Variants in LRRTM3 observed in about 807,000 individuals in gnomAD.
LRRTM3 encodes leucine rich repeat transmembrane neuronal 3.
Under a neutral mutation model 44.7 loss-of-function variants are expected in LRRTM3, and 24 were observed. The ratio of observed to expected loss-of-function variants is 0.54; its 90% CI spans 0.39 to 0.76. The LOEUF (loss-of-function observed/expected upper bound fraction) is 0.76. Ranked by LOEUF, LRRTM3 falls within the 30% of genes least tolerant of loss-of-function variation. The pLI is 0.00. For missense variants in LRRTM3, 587 were observed against 702.2 expected (o/e 0.84, Z 1.85); for synonymous variants, 277 against 278.7 (o/e 0.99, Z 0.06).
chr10:67,059,919 A>G (rs1042987384), intron 2 of LRRTM3, among the ~76,000 whole-genome samples: 3 of 152,212 alleles, frequency 2.0e-5, no homozygotes, highest in Non-Finnish European at 4.4e-5. Flanking sequence ...ACACCAAAAA[A>G]TAGAAGACAC....
At chr10:67,005,975 C>T (rs1048229997) in intron 2 of LRRTM3, among the ~76,000 whole-genome samples, 5 of 151,870 alleles carry the variant, frequency 3.3e-5, no homozygotes, top group African/African-American at 7.3e-5. Context: ...CGTGAGCCAT[C>T]GCACCCAACC....
intron 2 of LRRTM3, among the ~76,000 whole-genome samples, chr10:66,989,828 A>G (rs1373408676): frequency 1.3e-5 from 2 of 152,150 alleles, no homozygotes; most frequent in Non-Finnish European, 2.9e-5. Context: ...GAGTGCTTTT[A>G]TTATCCACTA....
chr10:66,926,292 C>A lies in LRRTM3; in HGVS notation c.-292C>A, dbSNP rs1847069327. The A allele has an allele frequency of 1.1e-5, 6 of 524,696 alleles. No individual in the cohort carries two copies. 32.5% of individuals were successfully genotyped at this position (524,696 alleles called of 1,614,324 possible). ...TTTTTAACCGCCCCCTCCCCACCCC[C>A]CAAAAAACTGTAAAGATGCAAAAAC... On this transcript the variant is annotated 5_prime_UTR_variant, in exon 1 of 3. Transcript: ENST00000361320.
At chr10:67,083,620 T>C (rs190720276) in intron 2 of LRRTM3, among the ~76,000 whole-genome samples, 298 of 152,358 alleles carry the variant, frequency 2.0e-3, no homozygotes, top group Non-Finnish European at 3.3e-3. Flanking sequence ...TAGACAGTGA[T>C]AGCAGTTTCA....
At chr10:67,001,994 C>G (rs1358444587) in intron 2 of LRRTM3, among the ~76,000 whole-genome samples, 1 of 152,096 alleles carries the variant, frequency 6.6e-6, no homozygotes, top group African/African-American at 2.4e-5. Context: ...GGGTATGAGT[C>G]TTAGAGTCCG....
At chr10:66,931,657 G>T (rs1051624047) in intron 2 of LRRTM3, among the ~76,000 whole-genome samples, 4 of 151,938 alleles carry the variant, frequency 2.6e-5, no homozygotes, top group African/African-American at 9.7e-5. Context: ...TAGTAAATCA[G>T]ATTTGAATTT....
At chr10:67,002,733 T>A (rs1851758029) in intron 2 of LRRTM3, among the ~76,000 whole-genome samples, 1 of 150,768 alleles carries the variant, frequency 6.6e-6, no homozygotes, top group Non-Finnish European at 1.5e-5. Flanking sequence ...CAAGCAGAAT[T>A]TTTTTTTTAA....
chr10:67,025,158 AAGG>A lies in LRRTM3; in HGVS notation c.1537-72427_1537-72425del, dbSNP rs1387497303. 5.8e-3 allele frequency among the ~76,000 whole-genome samples: 872 copies of A among 149,858 alleles called. 14 individuals carry two copies. Among genetic ancestry groups the A allele is most frequent in the African/African-American group, 0.021 (841 of 40,260 alleles). On this transcript the variant is annotated intron_variant, in intron 2 of 2. Transcript: ENST00000361320. ...AACAAAAAAAAAAAAGAAAGAAAGGAAGGAAGGAAGGAAGGAAAGAAAGAAAAG... is the reference window on the plus strand; with the variant it reads ...AACAAAAAAAAAAAAGAAAGAAAGGAAAGGAAGGAAGGAAAGAAAGAAAAG...
chr10:67,037,374 A>AAAAAAAG (rs1854125360), intron 2 of LRRTM3, among the ~76,000 whole-genome samples: 1 of 132,674 alleles, frequency 7.5e-6, no homozygotes, highest in East Asian at 2.0e-4. Context: ...AATCTAAAAA[A>AAAAAAAG]AAAAAAGAAA....
At chr10:67,094,709 T>C (rs1857861261) in intron 2 of LRRTM3, among the ~76,000 whole-genome samples, 1 of 151,730 alleles carries the variant, frequency 6.6e-6, no homozygotes, top group South Asian at 2.1e-4. Context: ...TAACCAAATA[T>C]TTTATATATT....
chr10:66,976,758 A>T (rs1850058200), intron 2 of LRRTM3, among the ~76,000 whole-genome samples: 1 of 152,140 alleles, frequency 6.6e-6, no homozygotes, highest in Non-Finnish European at 1.5e-5. Flanking sequence ...TATTCATTTC[A>T]TCTAGAGTAA....
At position 66,928,477 on chromosome 10, in the gene LRRTM3, G is replaced by A. The variant is rs780767820; in HGVS notation, c.1536+25G>A. The A allele has an allele frequency of 2.1e-5, 32 of 1,549,500 alleles. No homozygotes were observed. In the Admixed American group the frequency reaches 4.4e-4, roughly 21 times the overall value. ...GGTATGAACCATTGTGATAAAAAGA[G>A]CTCTTAAAAGCTGGGAAATAAGTGG... On this transcript the variant is annotated intron_variant, in intron 2 of 2. Coordinates refer to ENST00000361320, the MANE Select transcript of LRRTM3 (RefSeq NM_178011.5).
chr10:67,025,330 C>CAA (rs200578879), intron 2 of LRRTM3, among the ~76,000 whole-genome samples: 4 of 138,446 alleles, frequency 2.9e-5, no homozygotes, highest in Admixed American at 2.2e-4. Context: ...TAAGCCCATG[C>CAA]AAAAAAAAAA....
Position 66,926,278 on chromosome 10 carries a change from C to A in LRRTM3, c.-306C>A. 2.1e-6 allele frequency: 1 copy of A among 483,440 alleles called. No individual in the cohort carries two copies. The highest frequency in any genetic ancestry group is 3.8e-6 in the Non-Finnish European group (1 of 263,398). 29.9% of individuals were successfully genotyped at this position (483,440 alleles called of 1,614,324 possible). On this transcript the variant is annotated 5_prime_UTR_variant, in exon 1 of 3. Coordinates refer to ENST00000361320, the MANE Select transcript of LRRTM3 (RefSeq NM_178011.5). ...AGGATCCAGTTTTTTTTTTAACCGC[C>A]CCCTCCCCACCCCCCAAAAAACTGT...
intron 2 of LRRTM3, among the ~76,000 whole-genome samples, chr10:67,071,079 A>G (rs1856422435): frequency 6.6e-6 from 1 of 152,166 alleles, no homozygotes; most frequent in Non-Finnish European, 1.5e-5. Context: ...TACTTTTGCA[A>G]TGGTATTGAT....
intron 2 of LRRTM3, among the ~76,000 whole-genome samples, chr10:66,977,434 C>A (rs1423260759): frequency 1.3e-4 from 19 of 145,124 alleles, no homozygotes; most frequent in Non-Finnish European, 1.5e-4. Context: ...AACTCTGTCT[C>A]AAAAAAAAAA....
chr10:67,014,064 T>G (rs1315757518), intron 2 of LRRTM3, among the ~76,000 whole-genome samples: 1 of 152,200 alleles, frequency 6.6e-6, no homozygotes. Context: ...AATAACCTTT[T>G]TTCCCCTTAA....
At chr10:67,039,744 A>G (rs1854280850) in intron 2 of LRRTM3, among the ~76,000 whole-genome samples, 1 of 152,136 alleles carries the variant, frequency 6.6e-6, no homozygotes, top group Non-Finnish European at 1.5e-5. Context: ...AAATCGAAAC[A>G]AGCAAGTAGA....
intron 2 of LRRTM3, among the ~76,000 whole-genome samples, chr10:67,001,216 G>A (rs1213358692): frequency 2.0e-5 from 3 of 150,118 alleles, no homozygotes; most frequent in East Asian, 2.0e-4. Flanking sequence ...CAGGAGAATC[G>A]CTTGAACCAG....
Sources: allele counts gnomAD v4.1 joint callset (sites outside exome capture counted in the v4.1 genomes callset), GRCh38; gene constraint gnomAD v4.1.1; transcripts MANE v1.5; gene names NCBI Gene and HGNC (gene_info 2026-07-23, HGNC 2026-07-21).